FAR2: variants seen among roughly 807,000 people sequenced by gnomAD.
FAR2 encodes the protein fatty acyl-CoA reductase 2.
FAR2 carries 19 observed loss-of-function variants against 56.0 expected under a neutral mutation model. The observed-to-expected ratio is 0.34, with a 90% confidence interval of 0.24 to 0.50. FAR2 has a LOEUF of 0.50. FAR2 is among the 20% of genes least tolerant of loss of function. The probability of loss-of-function intolerance (pLI) is 0.98; values close to 1 mark genes in which losing one functional copy is unlikely to be tolerated. For missense variants in FAR2, 508 were observed against 642.2 expected, an observed-to-expected ratio of 0.79 and a Z score of 2.26; for synonymous variants, 219 against 218.8, an observed-to-expected ratio of 1.00 and a Z score of -0.01.
At chr12:29,262,642 TA>T (rs1463698546) in intron 1 of FAR2, among the ~76,000 whole-genome samples, 6 of 131,656 alleles carry the variant, frequency 4.6e-5, no homozygotes, top group African/African-American at 1.6e-4. Context: ...AAAAAATAAG[TA>T]AGTAAATAAA....
chr12:29,281,749 A>G (rs1403140294), intron 2 of FAR2, among the ~76,000 whole-genome samples: 1 of 152,186 alleles, frequency 6.6e-6, no homozygotes, highest in East Asian at 1.9e-4. Flanking sequence ...ACCTAAAAAA[A>G]AAAAAAAACT....
At chr12:29,179,483 A>G (rs1051220437) in intron 1 of FAR2, among the ~76,000 whole-genome samples, 2 of 152,198 alleles carry the variant, frequency 1.3e-5, no homozygotes, top group African/African-American at 4.8e-5. Context: ...CAAGCCAGGC[A>G]TGAGCCCCAT....
At chr12:29,312,547 G>A (rs1949370865) in intron 8 of FAR2, among the ~76,000 whole-genome samples, 1 of 152,112 alleles carries the variant, frequency 6.6e-6, no homozygotes, top group African/African-American at 2.4e-5. Flanking sequence ...GGGTGGTGCT[G>A]AGGAAACTAT....
At chr12:29,199,599 CAA>C (rs774461038) in intron 1 of FAR2, among the ~76,000 whole-genome samples, 1 of 106,300 alleles carries the variant, frequency 9.4e-6, no homozygotes, top group Non-Finnish European at 1.9e-5. Context: ...GACCCCGTCT[CAA>C]AAAAAAAAAA....
rs1006540617 is a variant in FAR2, at chr12:29,161,980, T to C, written c.-39+12573T>C. On this transcript the variant is annotated intron_variant, in intron 1 of 11. Transcript: ENST00000536681. ...TTTGTCTATTGGGTTATCTATCTTT[T>C]TCATAGTTATTTGTGGGTATACGTT... 2.7e-4 allele frequency among the ~76,000 whole-genome samples: 41 copies of C among 152,224 alleles called. 1 individual carries two copies.
At chr12:29,243,674 T>C (rs1466269952) in intron 1 of FAR2, among the ~76,000 whole-genome samples, 1 of 152,180 alleles carries the variant, frequency 6.6e-6, no homozygotes, top group Non-Finnish European at 1.5e-5. Context: ...AGCGTTGGAA[T>C]GGTGTAGCAG....
At chr12:29,265,084 TA>T (rs1302944285) in intron 1 of FAR2, among the ~76,000 whole-genome samples, 1 of 152,176 alleles carries the variant, frequency 6.6e-6, no homozygotes, top group East Asian at 1.9e-4. Flanking sequence ...TCAATATTGT[TA>T]AAATGCCTAT....
intron 1 of FAR2, among the ~76,000 whole-genome samples, chr12:29,160,662 C>G (rs187473655): frequency 7.3e-4 from 111 of 152,268 alleles, no homozygotes; most frequent in Non-Finnish European, 1.5e-3. Context: ...GTCTGAGATC[C>G]AGGTGTCAGC....
At chr12:29,258,989 A>G (rs1948373735) in intron 1 of FAR2, among the ~76,000 whole-genome samples, 1 of 152,172 alleles carries the variant, frequency 6.6e-6, no homozygotes, top group Non-Finnish European at 1.5e-5. Context: ...GCTTGGGTCT[A>G]TGTAATTAGT....
chr12:29,270,737 G>A (rs772022258), intron 2 of FAR2, 99 bp downstream of exon 2: 16 of 1,034,128 alleles, frequency 1.5e-5, no homozygotes, highest in Non-Finnish European at 2.1e-5. Context: ...GTGGGGACCA[G>A]GCTACCTGCA....
In FAR2 at chr12:29,316,310, G is replaced by T. The variant is rs73065539; in HGVS notation, c.956-531G>T. On this transcript the variant is annotated intron_variant, in intron 8 of 11. Transcript: ENST00000536681. ...TATGAATAAAACTCTGGATACCAGA[G>T]TGGACAATTGAGTCTAACATATTCC... is the stretch of plus-strand genomic sequence containing the variant. Among the ~76,000 whole-genome samples the T allele has an allele frequency of 5.6e-3, 849 of 152,306 alleles. 9 individuals are homozygous for T. Among genetic ancestry groups the T allele is most frequent in the Middle Eastern group, 0.034 (10 of 294 alleles).
intron 2 of FAR2, among the ~76,000 whole-genome samples, chr12:29,278,377 A>G (rs1390498294): frequency 6.6e-6 from 1 of 152,110 alleles, no homozygotes; most frequent in Admixed American, 6.5e-5. Flanking sequence ...TCTCACTCTT[A>G]TCACTAAGGC....
At chr12:29,263,163 A>G (rs1285307835) in intron 1 of FAR2, among the ~76,000 whole-genome samples, 1 of 152,232 alleles carries the variant, frequency 6.6e-6, no homozygotes, top group Non-Finnish European at 1.5e-5. Flanking sequence ...AAATATTATT[A>G]GAGCTAAAGA....
intron 1 of FAR2, among the ~76,000 whole-genome samples, chr12:29,228,834 G>A (rs550485730): frequency 2.2e-3 from 328 of 152,234 alleles, no homozygotes; most frequent in African/African-American, 7.4e-3. Flanking sequence ...GTGATCCGCT[G>A]GCCTTGCCCT....
Position 29,262,624 on chromosome 12 carries a change from C to A in FAR2, c.-38-7788C>A, listed in dbSNP as rs186827616. On this transcript the variant is annotated intron_variant, in intron 1 of 11. Transcript: ENST00000536681. ...CAGCCTGGGCAACAAGAGCAAAATT[C>A]CATCTTCAAAAAATAAGTAAGTAAA... 5.0e-4 allele frequency among the ~76,000 whole-genome samples: 76 copies of A among 151,864 alleles called. 1 individual carries two copies. Among genetic ancestry groups the A allele is most frequent in the African/African-American group, 1.7e-3 (72 of 41,432 alleles).
intron 1 of FAR2, among the ~76,000 whole-genome samples, chr12:29,261,072 C>A (rs1046160836): frequency 6.6e-6 from 1 of 152,188 alleles, no homozygotes; most frequent in Non-Finnish European, 1.5e-5. Context: ...ACAATAAATA[C>A]CTGATGCTTA....
rs71042961 is a variant in FAR2, at chr12:29,184,422, C to CTTTTTT, written c.-39+35040_-39+35045dup. On this transcript the variant is annotated intron_variant, in intron 1 of 11. Transcript: ENST00000536681. ...ACCATTGTAAAGGCCAATCTAGCATCTTTTTTTTTTTTTTTTTTTTTTTTT... is the reference window on the plus strand; with the variant it reads ...ACCATTGTAAAGGCCAATCTAGCATCTTTTTTTTTTTTTTTTTTTTTTTTTTTTTTT... Among the ~76,000 whole-genome samples, 12 of 59,718 alleles carry CTTTTTT rather than the reference C, an allele frequency of 2.0e-4. 1 individual carries two copies. The highest frequency in any genetic ancestry group is 2.3e-4 in the Non-Finnish European group (8 of 34,218). The allele number at this position is 59,718 out of a possible 152,430, so 39.2% of individuals were successfully genotyped here.
rs758765353 is a variant in FAR2, at chr12:29,170,635, GTC to G, written c.-39+21236_-39+21237del. Among the ~76,000 whole-genome samples, 4 of 150,192 alleles carry G rather than the reference GTC, an allele frequency of 2.7e-5. No homozygotes were observed. In the East Asian group the frequency reaches 5.9e-4, roughly 22 times the overall value. On this transcript the variant is annotated intron_variant, in intron 1 of 11. Coordinates refer to ENST00000536681, the MANE Select transcript of FAR2 (RefSeq NM_001271783.2). ...TCTTCCTTTCTCTCTTTGACTTTCT[GTC>G]TCTCTCTTTCTCTCTCTCTCTGACT...
At chr12:29,196,643 C>A (rs764109830) in intron 1 of FAR2, among the ~76,000 whole-genome samples, 1 of 152,026 alleles carries the variant, frequency 6.6e-6, no homozygotes, top group East Asian at 1.9e-4. Flanking sequence ...ACATGTAAGA[C>A]ATGAAACTAC....
Sources: allele counts gnomAD v4.1 joint callset (sites outside exome capture counted in the v4.1 genomes callset), GRCh38; gene constraint gnomAD v4.1.1; transcripts MANE v1.5; gene names NCBI Gene and HGNC (gene_info 2026-07-23, HGNC 2026-07-21).